Variants in LILRA2 observed in about 807,000 individuals in gnomAD.
The protein encoded by LILRA2 is leukocyte immunoglobulin-like receptor subfamily A member 2.
LILRA2 carries 45 observed loss-of-function variants against 47.9 expected under a neutral mutation model. That is an observed-to-expected ratio of 0.94 (90% confidence interval 0.74 to 1.20). LILRA2 has a LOEUF of 1.20. LILRA2 is among the 50% of genes most tolerant of loss of function. The probability of loss-of-function intolerance (pLI) is 0.00; values close to 1 mark genes in which losing one functional copy is unlikely to be tolerated. For missense variants in LILRA2, 651 were observed against 598.2 expected (o/e 1.09, Z -0.92); for synonymous variants, 279 against 249.2 (o/e 1.12, Z -1.13).
rs145747345 is a variant in LILRA2 at position 54,574,091 on chromosome 19, C to T, written c.50C>T (p.Pro17Leu). The change falls in exon 2 of 8, where the codon CCC becomes CTC. Residue 17 changes from proline to leucine, a missense_variant. By Grantham distance (98) the Pro-to-Leu change is moderately conservative (BLOSUM62 -3). Coordinates refer to ENST00000391738, the MANE Select transcript of LILRA2 (RefSeq NM_001130917.3). ...VLICLGLSLGPRTHVQAGHLP... is the reference protein window; with the variant it reads ...VLICLGLSLGLRTHVQAGHLP... Reference sequence around the variant, plus strand: ...TCTCTTCCAGGGCTGAGTCTGGGCCCCAGGACCCACGTGCAGGCAGGTGAG... The same window carrying T: ...TCTCTTCCAGGGCTGAGTCTGGGCCTCAGGACCCACGTGCAGGCAGGTGAG... 19 of 1,614,102 alleles carry T rather than the reference C, an allele frequency of 1.2e-5. No homozygotes were observed. The highest frequency in any genetic ancestry group is 1.5e-5 in the Non-Finnish European group (18 of 1,180,034).
At chr19:54,577,657 G>A (rs1230633719) in intron 6 of LILRA2, 1 of 1,289,588 alleles carries the variant, frequency 7.8e-7, no homozygotes, top group East Asian at 5.6e-5. Context: ...CTCACCTGGA[G>A]GCCTCTGTGC....
intron 6 of LILRA2, among the ~76,000 whole-genome samples, chr19:54,586,471 C>A (rs2062811728): frequency 6.6e-6 from 1 of 152,134 alleles, no homozygotes; most frequent in Non-Finnish European, 1.5e-5. Flanking sequence ...GAAGATGAAA[C>A]CCCAGGTGAA....
In LILRA2 at chr19:54,575,556, A is replaced by C. The variant is rs781322610; in HGVS notation, c.952+4A>C. ...CCCCTGGACATCCTGATCACAGGTGAGGAGCCCAGCGGGTTCAGTCAGGGA... is the reference window on the plus strand; with the variant it reads ...CCCCTGGACATCCTGATCACAGGTGCGGAGCCCAGCGGGTTCAGTCAGGGA... On this transcript the variant is annotated splice_donor_region_variant and intron_variant, in intron 5 of 7. Transcript: ENST00000391738. 1.2e-6 allele frequency: 2 copies of C among 1,611,804 alleles called. No homozygotes were observed. Among genetic ancestry groups the C allele is most frequent in the South Asian group, 2.2e-5 (2 of 90,974 alleles).
At chr19:54,574,033 C>T (rs775321068) in intron 1 of LILRA2, 43 bp from the exon 2 acceptor site, 2 of 1,614,012 alleles carry the variant, frequency 1.2e-6, no homozygotes, top group Admixed American at 1.7e-5. Context: ...AGGACCTGCC[C>T]AGGCTTCAGG....
upstream of LILRA2, chr19:54,573,679 G>T: frequency 8.2e-7 from 1 of 1,219,834 alleles, no homozygotes; most frequent in South Asian, 1.5e-5. Context: ...AGAGGGCCTG[G>T]TGCCTGCCCC....
In LILRA2 at chr19:54,589,767, C is replaced by T. The variant is rs1420719928; in HGVS notation, c.*2421C>T. On this transcript the variant is annotated 3_prime_UTR_variant, in exon 8 of 8. Coordinates refer to ENST00000391738, the MANE Select transcript of LILRA2 (RefSeq NM_001130917.3). ...CCTGTGGTTCTCTGGTGAGCCCCAT[C>T]ATGCTGTCCTAGAAGATCCACTTAG... 6.6e-6 allele frequency: 1 copy of T among 151,216 alleles called. No individual in the cohort carries two copies. Among genetic ancestry groups the T allele is most frequent in the Non-Finnish European group, 1.5e-5 (1 of 67,868 alleles). The allele number at this position is 151,216 out of a possible 1,614,324, so 9.4% of individuals were successfully genotyped here.
intron 6 of LILRA2, among the ~76,000 whole-genome samples, chr19:54,583,286 A>C (rs1214840686): frequency 6.6e-6 from 1 of 152,204 alleles, no homozygotes; most frequent in Admixed American, 6.5e-5. Flanking sequence ...GTAGATGTCT[A>C]TTAGGTCTGC....
chr19:54,585,051 G>A (rs1044737674), intron 6 of LILRA2, among the ~76,000 whole-genome samples: 1 of 152,208 alleles, frequency 6.6e-6, no homozygotes, highest in Admixed American at 6.5e-5. Flanking sequence ...CAGGTCTGTT[G>A]GTGTTTGCTG....
Position 54,574,557 on chromosome 19 carries a change from T to C in LILRA2, c.327T>C (p.Ser109=), listed in dbSNP as rs147507629. 107 of 1,613,988 alleles carry C rather than the reference T, an allele frequency of 6.6e-5. No individual in the cohort carries two copies. The African/African-American group carries it at 1.1e-3, about 17-fold the overall frequency. The change falls in exon 3 of 8, where the codon AGT becomes AGC. Residue 109 remains serine, a synonymous_variant. Transcript: ENST00000391738. ...GCCACAATCACTCATCAGAGTACAGTGACCCCCTGGAGCTGGTGGTGACAG... is the reference window on the plus strand; with the variant it reads ...GCCACAATCACTCATCAGAGTACAGCGACCCCCTGGAGCTGGTGGTGACAG... ...YYSHNHSSEY[S]DPLELVVTGA...
intron 6 of LILRA2, chr19:54,577,485 T>C: frequency 7.8e-7 from 1 of 1,288,948 alleles, no homozygotes; most frequent in Non-Finnish European, 1.0e-6. Context: ...TATAAGCCCT[T>C]CACCCACACC....
intron 6 of LILRA2, among the ~76,000 whole-genome samples, chr19:54,582,252 T>A (rs769127089): frequency 6.6e-6 from 1 of 152,196 alleles, no homozygotes; most frequent in Non-Finnish European, 1.5e-5. Context: ...TTGTTGTGTG[T>A]CTACGAGGCT....
intron 5 of LILRA2, 28 bp downstream of exon 5, chr19:54,575,580 G>A (rs1296641100): frequency 3.7e-6 from 6 of 1,609,076 alleles, no homozygotes; most frequent in Non-Finnish European, 5.1e-6. Context: ...TTCAGTCAGG[G>A]ACCCAGGCTC....
Position 54,587,056 on chromosome 19 carries a change from G to T in LILRA2, c.1302G>T (p.Thr434=), listed in dbSNP as rs1237895650. 1 of 1,613,442 alleles carries T rather than the reference G, an allele frequency of 6.2e-7. No homozygotes were observed. Among genetic ancestry groups the T allele is most frequent in the Middle Eastern group, 1.7e-4 (1 of 6,056 alleles). The change falls in exon 7 of 8, where the codon ACG becomes ACT. Residue 434 remains threonine, a synonymous_variant. Coordinates refer to ENST00000391738, the MANE Select transcript of LILRA2 (RefSeq NM_001130917.3). The part of the protein sequence containing the change: ...LSPSQNKTDS[T]TTSLGQHPQD... ...CATCACAAAACAAGACAGACTCCAC[G>T]ACTAGTGAGTGAGGAGATGCTCTCA...
chr19:54,586,983 G>A, intron 6 of LILRA2, 27 bp from the exon 7 acceptor site: 4 of 1,590,358 alleles, frequency 2.5e-6, no homozygotes, highest in African/African-American at 1.3e-5. Flanking sequence ...TGGGCTCAGG[G>A]CTCTTCTCCA....
chr19:54,573,399 C>G, upstream of LILRA2: 1 of 933,736 alleles, frequency 1.1e-6, no homozygotes, highest in Admixed American at 1.8e-5. Flanking sequence ...TGGGTTTTCC[C>G]TGAAGCATCT....
At chr19:54,578,178 G>A (rs1020290588) in intron 6 of LILRA2, among the ~76,000 whole-genome samples, 2 of 151,596 alleles carry the variant, frequency 1.3e-5, no homozygotes, top group African/African-American at 4.8e-5. Context: ...TGTGCACAAT[G>A]TGCAGGTTTG....
At position 54,585,903 on chromosome 19, in the gene LILRA2, G is replaced by A. The variant is rs78260764; in HGVS notation, c.1256-1107G>A. On this transcript the variant is annotated intron_variant, in intron 6 of 7. Coordinates refer to ENST00000391738, the MANE Select transcript of LILRA2 (RefSeq NM_001130917.3). ...ATTCCTATTCGACCATCTTGGAAGCGACACCTATATTTTTTTTAAAGAAGG... is the reference window on the plus strand; with the variant it reads ...ATTCCTATTCGACCATCTTGGAAGCAACACCTATATTTTTTTTAAAGAAGG... 7.0e-3 allele frequency among the ~76,000 whole-genome samples: 1,064 copies of A among 152,218 alleles called. 16 individuals carry two copies. Among genetic ancestry groups the A allele is most frequent in the African/African-American group, 0.024 (995 of 41,540 alleles).
chr19:54,586,780 G>C (rs561454156), intron 6 of LILRA2, among the ~76,000 whole-genome samples: 1 of 152,144 alleles, frequency 6.6e-6, no homozygotes, highest in Non-Finnish European at 1.5e-5. Context: ...TGAGCTCCCG[G>C]GATGCAGGAA....
chr19:54,574,589 G>A lies in LILRA2; in HGVS notation c.352+7G>A. 6.3e-7 allele frequency: 1 copy of A among 1,583,158 alleles called. No individual in the cohort carries two copies. Among genetic ancestry groups the A allele is most frequent in the Non-Finnish European group, 8.7e-7 (1 of 1,153,194 alleles). The stretch of plus-strand genomic sequence containing the variant: ...CTGGAGCTGGTGGTGACAGGTGAGA[G>A]GACACTCAGGAGTCCCAGCCCCAGG... On this transcript the variant is annotated splice_region_variant and intron_variant, in intron 3 of 7. Transcript: ENST00000391738.
Sources: gnomAD v4.1 joint callset for allele counts (sites outside exome capture counted in the v4.1 genomes callset) on GRCh38, gnomAD v4.1.1 for gene constraint, MANE v1.5 for transcripts, NCBI Gene and HGNC (gene_info 2026-07-23, HGNC 2026-07-21) for gene names.